The following MTUS2 variants were observed in gnomAD, a reference collection of about 807,000 sequenced individuals.
MTUS2 encodes microtubule-associated tumor suppressor candidate 2.
In MTUS2, 40 loss-of-function variants were observed where a neutral mutation model predicts 114.1. The observed-to-expected ratio is 0.35, with a 90% CI of 0.27 to 0.46. MTUS2 has a LOEUF of 0.46. MTUS2 is among the 20% of genes least tolerant of loss of function. The pLI, the probability that MTUS2 is intolerant of heterozygous loss-of-function variation, is 1.00. For synonymous variants in MTUS2, 688 were observed against 672.0 expected, an observed-to-expected ratio of 1.02 and a Z score of -0.37; for missense variants, 1,679 against 1,705.4, an observed-to-expected ratio of 0.98 and a Z score of 0.27.
rs546617277 is a variant in MTUS2 at position 29,199,970 on chromosome 13, T to C, written c.2645-81734T>C. Among the ~76,000 whole-genome samples the C allele has an allele frequency of 3.9e-5, 6 of 152,256 alleles. No homozygotes were observed. The South Asian group carries it at 1.0e-3, about 26-fold the overall frequency. ...TATCCATTTCTTCTAGACTTTTGAG[T>C]TTATTTGTGTAGAGGTGAGTATTCT... On this transcript the variant is annotated intron_variant, in intron 5 of 15. Transcript: ENST00000612955.
intron 2 of MTUS2, among the ~76,000 whole-genome samples, chr13:28,979,709 G>A (rs1884272516): frequency 6.6e-6 from 1 of 152,130 alleles, no homozygotes; most frequent in Admixed American, 6.5e-5. Context: ...AAGGGAATCT[G>A]GGAGAGTAAG....
intron 5 of MTUS2, among the ~76,000 whole-genome samples, chr13:29,102,886 G>C (rs946872395): frequency 3.3e-5 from 5 of 152,186 alleles, no homozygotes; most frequent in African/African-American, 1.2e-4. Flanking sequence ...AAAGTCCTTA[G>C]ATCAACTTCT....
At chr13:28,973,487 G>C (rs960770613) in intron 2 of MTUS2, among the ~76,000 whole-genome samples, 2 of 152,142 alleles carry the variant, frequency 1.3e-5, no homozygotes, top group Non-Finnish European at 2.9e-5. Flanking sequence ...ACCTACTGTT[G>C]GGTCACAGGA....
Position 28,882,343 on chromosome 13 carries a change from C to T in MTUS2, c.-243+42493C>T, listed in dbSNP as rs12585536. Among the ~76,000 whole-genome samples, 254 of 152,154 alleles carry T rather than the reference C, an allele frequency of 1.7e-3. 5 individuals are homozygous for T. In the East Asian group the frequency reaches 0.039, roughly 23 times the overall value. On this transcript the variant is annotated intron_variant, in intron 2 of 15. Transcript: ENST00000612955. ...GGTTACAGGTGTGAGCCACCACGCC[C>T]GGCCAAAAATTATTTCAAAATTGAT... is the stretch of plus-strand genomic sequence containing the variant.
chr13:29,411,867 C>T (rs750097869), intron 8 of MTUS2, among the ~76,000 whole-genome samples: 3 of 152,122 alleles, frequency 2.0e-5, no homozygotes, highest in African/African-American at 7.2e-5. Flanking sequence ...TCTTCCATTG[C>T]GTTCTCTAAA....
intron 2 of MTUS2, among the ~76,000 whole-genome samples, chr13:28,855,891 C>T (rs886574006): frequency 6.6e-6 from 1 of 152,184 alleles, no homozygotes; most frequent in Non-Finnish European, 1.5e-5. Context: ...TTCCCACCAA[C>T]AGTGTAAAAG....
intron 2 of MTUS2, among the ~76,000 whole-genome samples, chr13:28,965,948 C>T (rs1593340423): frequency 1.3e-5 from 2 of 152,210 alleles, no homozygotes; most frequent in East Asian, 3.8e-4. Context: ...TTTGCCTAAA[C>T]AACTGGGCAC....
intron 5 of MTUS2, among the ~76,000 whole-genome samples, chr13:29,186,872 A>G (rs1894247381): frequency 6.6e-6 from 1 of 152,218 alleles, no homozygotes; most frequent in Non-Finnish European, 1.5e-5. Context: ...ATGTTAGATT[A>G]TAAAGTCAGC....
intron 9 of MTUS2, among the ~76,000 whole-genome samples, chr13:29,475,221 A>G (rs1244367260): frequency 2.0e-5 from 3 of 152,332 alleles, no homozygotes; most frequent in African/African-American, 7.2e-5. Context: ...TCAGAGCCTC[A>G]TAGCACAATG....
At chr13:28,942,625 T>C (rs1197089401) in intron 2 of MTUS2, among the ~76,000 whole-genome samples, 1 of 152,234 alleles carries the variant, frequency 6.6e-6, no homozygotes, top group Non-Finnish European at 1.5e-5. Context: ...TGGAATCCTA[T>C]ACAGCAATCA....
At chr13:28,888,930 A>G (rs1593273153) in intron 2 of MTUS2, among the ~76,000 whole-genome samples, 1 of 152,202 alleles carries the variant, frequency 6.6e-6, no homozygotes, top group Admixed American at 6.5e-5. Context: ...AACCCAAATC[A>G]TTTGGAAAGA....
chr13:29,046,539 G>T (rs1231598928), intron 4 of MTUS2, among the ~76,000 whole-genome samples: 1 of 152,172 alleles, frequency 6.6e-6, no homozygotes, highest in East Asian at 1.9e-4. Flanking sequence ...AAACCCATCT[G>T]CCTGTTCTCT....
intron 8 of MTUS2, among the ~76,000 whole-genome samples, chr13:29,377,527 G>A (rs1471441098): frequency 1.3e-5 from 2 of 152,100 alleles, no homozygotes; most frequent in East Asian, 1.9e-4. Context: ...AGTAAACCAT[G>A]GGTCAAAGAG....
At chr13:29,419,317 G>C (rs539250215) in intron 8 of MTUS2, among the ~76,000 whole-genome samples, 1 of 152,294 alleles carries the variant, frequency 6.6e-6, no homozygotes, top group South Asian at 2.1e-4. Context: ...CCTCAGGAGA[G>C]ACCATTACAG....
intron 5 of MTUS2, among the ~76,000 whole-genome samples, chr13:29,121,641 C>G (rs1294143144): frequency 6.6e-6 from 1 of 151,142 alleles, no homozygotes; most frequent in Non-Finnish European, 1.5e-5. Flanking sequence ...TAGTCACTCA[C>G]ACTTTCACTT....
chr13:28,926,527 T>A (rs1379063230), intron 2 of MTUS2, among the ~76,000 whole-genome samples: 1 of 152,200 alleles, frequency 6.6e-6, no homozygotes, highest in Non-Finnish European at 1.5e-5. Flanking sequence ...GTACTTAATT[T>A]TAATTAAGTA....
At chr13:29,122,427 A>G (rs1891348735) in intron 5 of MTUS2, among the ~76,000 whole-genome samples, 1 of 152,192 alleles carries the variant, frequency 6.6e-6, no homozygotes, top group African/African-American at 2.4e-5. Flanking sequence ...TGGAGGCAGC[A>G]AGAAGTGCCA....
In MTUS2 at chr13:29,480,027, C is replaced by A; in HGVS notation, c.3185-123C>A. The A allele has an allele frequency of 2.2e-6, 2 of 907,370 alleles. No homozygotes were observed. Among genetic ancestry groups the A allele is most frequent in the South Asian group, 1.7e-5 (1 of 59,240 alleles). 56.2% of individuals were successfully genotyped at this position (907,370 alleles called of 1,614,324 possible). A position where few individuals can be genotyped will look rare whatever the true frequency, so the allele number is the denominator to read the frequency against. On this transcript the variant is annotated intron_variant, in intron 9 of 15. Transcript: ENST00000612955. The surrounding 1 kb of genome is among the most constrained non-coding windows in gnomAD (Gnocchi z 4.4). ...GCACTTTACAAACTGTGTAGCCCTGCAGAAGTCAGAGGACCTCGCCCTGTT... is the reference window on the plus strand; with the variant it reads ...GCACTTTACAAACTGTGTAGCCCTGAAGAAGTCAGAGGACCTCGCCCTGTT...
rs74041684 is a variant in MTUS2 at position 28,986,916 on chromosome 13, C to G, written c.-242-37541C>G. ...ACCTGGTGGCTTCTGTATTGGACAC[C>G]ACAGATGTGGGACATTTTCATCCTC... On this transcript the variant is annotated intron_variant, in intron 2 of 15. Coordinates refer to ENST00000612955, the MANE Select transcript of MTUS2 (RefSeq NM_001033602.4). Among the ~76,000 whole-genome samples the G allele has an allele frequency of 8.8e-3, 1,339 of 152,276 alleles. 18 individuals are homozygous for G. Among genetic ancestry groups the G allele is most frequent in the African/African-American group, 0.03 (1,244 of 41,546 alleles).
Sources: gnomAD v4.1 joint callset for allele counts (sites outside exome capture counted in the v4.1 genomes callset) on GRCh38, gnomAD v4.1.1 for gene constraint, Gnocchi (gnomAD v3.1) non-coding constraint, MANE v1.5 for transcripts, NCBI Gene and HGNC (gene_info 2026-07-23, HGNC 2026-07-21) for gene names.